SNCAIP: variants seen among roughly 807,000 people sequenced by gnomAD.
SNCAIP encodes the protein synphilin-1.
A neutral mutation model predicts 86.7 loss-of-function variants in SNCAIP; 43 were observed. The ratio of observed to expected loss-of-function variants is 0.50; its 90% CI spans 0.39 to 0.64. The LOEUF (loss-of-function observed/expected upper bound fraction) is 0.64, where lower values mean the gene tolerates loss of function less well. Among genes scored for constraint, SNCAIP ranks in the 30% least tolerant of loss-of-function variants. The pLI is 0.00. For missense variants in SNCAIP, 981 were observed against 1,103.1 expected, an observed-to-expected ratio of 0.89 and a Z score of 1.57; for synonymous variants, 417 against 427.2, an observed-to-expected ratio of 0.98 and a Z score of 0.29.
chr5:122,355,316 A>G (rs1246520972), intron 1 of SNCAIP, among the ~76,000 whole-genome samples: 1 of 152,188 alleles, frequency 6.6e-6, no homozygotes, highest in Non-Finnish European at 1.5e-5. Context: ...ATATCTCATG[A>G]GAGTTTTTTT....
chr5:122,326,542 C>T (rs1344641029), intron 1 of SNCAIP, among the ~76,000 whole-genome samples: 1 of 148,834 alleles, frequency 6.7e-6, no homozygotes, highest in Non-Finnish European at 1.5e-5. Flanking sequence ...CTTTCACTGC[C>T]TTGGAAAAAT....
intron 6 of SNCAIP, chr5:122,436,835 T>C (rs1779599674): frequency 6.6e-6 from 1 of 152,200 alleles, no homozygotes; most frequent in Non-Finnish European, 1.5e-5. Context: ...CAACTTGCAT[T>C]GCCCTTAGGA....
intron 5 of SNCAIP, among the ~76,000 whole-genome samples, chr5:122,427,749 A>G (rs1216429467): frequency 6.6e-6 from 1 of 152,176 alleles, no homozygotes; most frequent in Non-Finnish European, 1.5e-5. Flanking sequence ...ATGGAAAGAC[A>G]AAGTTGGTAC....
chr5:122,380,788 T>C (rs918662717), intron 1 of SNCAIP, among the ~76,000 whole-genome samples: 2 of 152,090 alleles, frequency 1.3e-5, no homozygotes, highest in Non-Finnish European at 2.9e-5. Flanking sequence ...CTGCCTTCAT[T>C]TCGTTATGTA....
At chr5:122,372,621 T>A (rs547508539) in intron 1 of SNCAIP, among the ~76,000 whole-genome samples, 1 of 152,324 alleles carries the variant, frequency 6.6e-6, no homozygotes, top group African/African-American at 2.4e-5. Context: ...CTTCTTGTTC[T>A]GTACTCTCCA....
At chr5:122,360,418 T>C (rs1761976730) in intron 1 of SNCAIP, among the ~76,000 whole-genome samples, 1 of 152,196 alleles carries the variant, frequency 6.6e-6, no homozygotes, top group Non-Finnish European at 1.5e-5. Context: ...AATAGGGTTG[T>C]ATTAGCAACT....
intron 1 of SNCAIP, among the ~76,000 whole-genome samples, chr5:122,331,486 T>C (rs1450111678): frequency 6.6e-6 from 1 of 152,174 alleles, no homozygotes; most frequent in Non-Finnish European, 1.5e-5. Context: ...AATAAAAAAA[T>C]ACATATTCAC....
intron 1 of SNCAIP, among the ~76,000 whole-genome samples, chr5:122,333,583 G>A (rs138046113): frequency 1.3e-5 from 2 of 152,310 alleles, no homozygotes; most frequent in African/African-American, 2.4e-5. Context: ...GGCGGAGACC[G>A]TATCTCATTT....
At chr5:122,371,872 T>C (rs1197260583) in intron 1 of SNCAIP, 3 of 152,160 alleles carry the variant, frequency 2.0e-5, no homozygotes, top group Non-Finnish European at 4.4e-5. Flanking sequence ...GTTAAATAAA[T>C]AATACGCAGC....
At chr5:122,445,762 CTTGGTTGGGTGAAAG>C (rs1782170621) in intron 8 of SNCAIP, among the ~76,000 whole-genome samples, 1 of 148,598 alleles carries the variant, frequency 6.7e-6, no homozygotes, top group African/African-American at 2.5e-5. Flanking sequence ...TTCACCCAAC[CTTGGTTGGGTGAAAG>C]ACCTCAATTA....
chr5:122,403,880 TC>T lies in SNCAIP; in HGVS notation c.130+19del. 1 of 1,594,058 alleles carries T rather than the reference TC, an allele frequency of 6.3e-7. No homozygotes were observed. The highest frequency in any genetic ancestry group is 8.6e-7 in the Non-Finnish European group (1 of 1,161,824). Reference sequence around the variant, plus strand: ...AGACAGATCAGGTAGGTTTTGCTCCTCCCCTCTTCTCCTTATCCTGGCTCAG... The same window carrying T: ...AGACAGATCAGGTAGGTTTTGCTCCTCCCTCTTCTCCTTATCCTGGCTCAG... On this transcript the variant is annotated intron_variant, in intron 3 of 10. Transcript: ENST00000261368.
At chr5:122,456,410 A>C (rs1784777714) in intron 10 of SNCAIP, among the ~76,000 whole-genome samples, 1 of 152,204 alleles carries the variant, frequency 6.6e-6, no homozygotes, top group Non-Finnish European at 1.5e-5. Context: ...TGCCCATTAG[A>C]GAGTCAGAGT....
intron 1 of SNCAIP, among the ~76,000 whole-genome samples, chr5:122,314,003 G>A (rs765884982): frequency 6.6e-6 from 1 of 152,198 alleles, no homozygotes; most frequent in Non-Finnish European, 1.5e-5. Flanking sequence ...AAAAGTTACA[G>A]ATAGTAGATT....
At chr5:122,440,598 A>C (rs1780658842) in intron 6 of SNCAIP, 31 bp from the exon 7 acceptor site, 1 of 1,606,936 alleles carries the variant, frequency 6.2e-7, no homozygotes, top group East Asian at 2.2e-5. Context: ...GCAAGATATT[A>C]CATGAATTCC....
chr5:122,423,212 A>G lies in SNCAIP; in HGVS notation c.475A>G (p.Ile159Val), dbSNP rs767607442. 8 of 1,614,076 alleles carry G rather than the reference A, an allele frequency of 5.0e-6. No individual in the cohort carries two copies. Among genetic ancestry groups the G allele is most frequent in the East Asian group, 2.2e-5 (1 of 44,892 alleles). Residue 159 changes from isoleucine to valine, a missense_variant, in exon 4 of 11, where the codon ATT becomes GTT. Coordinates refer to ENST00000261368, the MANE Select transcript of SNCAIP (RefSeq NM_005460.4). The stretch of plus-strand genomic sequence containing the variant: ...GGATGAGATTCTGGATGTGCCTTAT[A>G]TTAAATCCAGTCAGCAGCTTGCCTC... ...DMDEILDVPY[I>V]KSSQQLASFT...
At chr5:122,415,201 A>G (rs1581107105) in intron 3 of SNCAIP, among the ~76,000 whole-genome samples, 2 of 152,306 alleles carry the variant, frequency 1.3e-5, no homozygotes, top group African/African-American at 4.8e-5. Flanking sequence ...ATGCCACTGC[A>G]CCTGCCTGTT....
At chr5:122,363,854 G>T (rs544082903) in intron 1 of SNCAIP, among the ~76,000 whole-genome samples, 5 of 150,640 alleles carry the variant, frequency 3.3e-5, no homozygotes, top group Non-Finnish European at 7.4e-5. Context: ...ACAGGGTCTT[G>T]CTTTGTCACC....
intron 3 of SNCAIP, among the ~76,000 whole-genome samples, chr5:122,408,846 CT>C (rs1490237090): frequency 6.6e-6 from 1 of 152,168 alleles, no homozygotes; most frequent in African/African-American, 2.4e-5. Flanking sequence ...CATATTTATC[CT>C]CAAAATAATT....
intron 1 of SNCAIP, among the ~76,000 whole-genome samples, chr5:122,345,469 G>A (rs1292054340): frequency 6.6e-6 from 1 of 152,156 alleles, no homozygotes; most frequent in African/African-American, 2.4e-5. Context: ...TAAAGAAATG[G>A]AAGAACTAAA....
Sources: gnomAD v4.1 joint callset for allele counts (sites outside exome capture counted in the v4.1 genomes callset) on GRCh38, gnomAD v4.1.1 for gene constraint, MANE v1.5 for transcripts, NCBI Gene and HGNC (gene_info 2026-07-23, HGNC 2026-07-21) for gene names.